Variants in SPPL3 observed in about 807,000 individuals in gnomAD.
SPPL3 encodes the protein signal peptide peptidase-like 3.
In SPPL3, 5 loss-of-function variants were observed where a neutral mutation model predicts 42.4. The ratio of observed to expected loss-of-function variants is 0.12; its 90% confidence interval spans 0.06 to 0.25. SPPL3 has a LOEUF of 0.25. Among genes scored for constraint, SPPL3 ranks in the 10% least tolerant of loss-of-function variants. SPPL3 has a pLI of 1.00. For missense variants in SPPL3, 235 were observed against 489.0 expected (o/e 0.48, Z 4.90); for synonymous variants, 195 against 181.8 (o/e 1.07, Z -0.58).
intron 1 of SPPL3, among the ~76,000 whole-genome samples, chr12:120,878,546 G>A (rs1213742938): frequency 6.6e-6 from 1 of 152,090 alleles, no homozygotes; most frequent in Non-Finnish European, 1.5e-5. Flanking sequence ...TCTCTGACAC[G>A]AGTTTCTGTT....
At chr12:120,791,418 C>A in intron 3 of SPPL3, 51 bp downstream of exon 3, 2 of 1,362,976 alleles carry the variant, frequency 1.5e-6, no homozygotes, top group Non-Finnish European at 2.0e-6. Context: ...TAGAAACAGC[C>A]AAATTAAGAA....
chr12:120,899,265 A>C (rs1327089554), intron 1 of SPPL3, among the ~76,000 whole-genome samples: 1 of 152,214 alleles, frequency 6.6e-6, no homozygotes, highest in Admixed American at 6.5e-5. Context: ...GGCATTCCTC[A>C]TTCTTGCAGC....
intron 1 of SPPL3, among the ~76,000 whole-genome samples, chr12:120,812,159 G>C (rs996349516): frequency 1.1e-4 from 17 of 148,550 alleles, no homozygotes; most frequent in Non-Finnish European, 4.5e-5. Flanking sequence ...TTTTGAGACA[G>C]AGTCTTGCTC....
At chr12:120,833,176 T>C (rs1414371276) in intron 1 of SPPL3, among the ~76,000 whole-genome samples, 9 of 152,020 alleles carry the variant, frequency 5.9e-5, no homozygotes, top group Admixed American at 5.9e-4. Flanking sequence ...AAATGTGAGA[T>C]CCATTAGGGA....
chr12:120,789,738 T>C (rs1394803611), intron 3 of SPPL3, among the ~76,000 whole-genome samples: 1 of 145,080 alleles, frequency 6.9e-6, no homozygotes. Flanking sequence ...GGCTGGAGAA[T>C]TGCCTGAACC....
intron 1 of SPPL3, among the ~76,000 whole-genome samples, chr12:120,876,278 C>T (rs1376879799): frequency 1.3e-5 from 2 of 151,912 alleles, no homozygotes; most frequent in Admixed American, 1.3e-4. Flanking sequence ...TTCTAAATAA[C>T]TCATGGGTCA....
chr12:120,874,776 T>C (rs1400041592), intron 1 of SPPL3, among the ~76,000 whole-genome samples: 1 of 152,088 alleles, frequency 6.6e-6, no homozygotes, highest in Non-Finnish European at 1.5e-5. Context: ...TGAGTGTGTG[T>C]GTGTGTGCTG....
In SPPL3 at chr12:120,846,877, G is replaced by A. The variant is rs566472870; in HGVS notation, c.24-35991C>T. On this transcript the variant is annotated intron_variant, in intron 1 of 10. Coordinates refer to ENST00000353487, the MANE Select transcript of SPPL3 (RefSeq NM_139015.5). The stretch of plus-strand genomic sequence containing the variant: ...GGGCAGGAAGAAAACACCCAACAGA[G>A]TTCATGTGGGTGGGAGTGTGGAGGT... 5.9e-5 allele frequency among the ~76,000 whole-genome samples: 9 copies of A among 152,300 alleles called. No homozygotes were observed. The South Asian group carries it at 1.9e-3, about 32-fold the overall frequency.
intron 1 of SPPL3, among the ~76,000 whole-genome samples, chr12:120,883,243 T>G (rs578055292): frequency 5.9e-5 from 9 of 151,968 alleles, no homozygotes; most frequent in Non-Finnish European, 1.2e-4. Context: ...AGGCAGAGCT[T>G]GCAGTGAGCC....
intron 1 of SPPL3, among the ~76,000 whole-genome samples, chr12:120,871,710 G>A (rs1872937877): frequency 6.6e-6 from 1 of 152,038 alleles, no homozygotes; most frequent in Admixed American, 6.6e-5. Flanking sequence ...CCGAGATTGT[G>A]CCACTGCACT....
chr12:120,839,591 G>A (rs1231880388), intron 1 of SPPL3, among the ~76,000 whole-genome samples: 1 of 151,972 alleles, frequency 6.6e-6, no homozygotes, highest in Non-Finnish European at 1.5e-5. Flanking sequence ...AATAACCAAA[G>A]GTAGGAAATA....
At chr12:120,901,553 T>C (rs1873981069) in intron 1 of SPPL3, among the ~76,000 whole-genome samples, 1 of 138,454 alleles carries the variant, frequency 7.2e-6, no homozygotes, top group South Asian at 2.3e-4. Context: ...ATGGCGCCAC[T>C]GCACTGCAGC....
At chr12:120,856,204 T>G (rs965456303) in intron 1 of SPPL3, among the ~76,000 whole-genome samples, 1 of 152,012 alleles carries the variant, frequency 6.6e-6, no homozygotes, top group African/African-American at 2.4e-5. Context: ...TAAATGCAGA[T>G]TCCAGTCCCC....
At position 120,767,497 on chromosome 12, in the gene SPPL3, C is replaced by T. The variant is rs2136965944; in HGVS notation, c.870G>A (p.Lys290=). 1 of 1,614,128 alleles carries T rather than the reference C, an allele frequency of 6.2e-7. No homozygotes were observed. The highest frequency in any genetic ancestry group is 8.5e-7 in the Non-Finnish European group (1 of 1,180,044). ...CFVLRYDNYK[K]QASGDSCGAP... Reference sequence around the variant, plus strand: ...CCCCACAGGAGTCCCCACTGGCTTGCTTTTTGTAGTTGTCATAGCGAAGGA... The same window carrying T: ...CCCCACAGGAGTCCCCACTGGCTTGTTTTTTGTAGTTGTCATAGCGAAGGA... The change falls in exon 9 of 11, where the codon AAG becomes AAA. Residue 290 remains lysine (K), a synonymous_variant. Coordinates refer to ENST00000353487, the MANE Select transcript of SPPL3 (RefSeq NM_139015.5).
intron 1 of SPPL3, among the ~76,000 whole-genome samples, chr12:120,897,650 A>G (rs1168951): frequency 1 from 151,971 of 152,200 alleles, 75,871 homozygotes; most frequent in Middle Eastern, 1. Flanking sequence ...GTGAACCCGG[A>G]AGGCGGAGGT....
At chr12:120,840,520 G>C (rs1377218575) in intron 1 of SPPL3, among the ~76,000 whole-genome samples, 3 of 151,992 alleles carry the variant, frequency 2.0e-5, no homozygotes, top group Admixed American at 2.0e-4. Flanking sequence ...CTTTGACGGG[G>C]ATAAAAATTA....
chr12:120,817,798 T>A (rs1437082424), intron 1 of SPPL3, among the ~76,000 whole-genome samples: 1 of 152,200 alleles, frequency 6.6e-6, no homozygotes, highest in South Asian at 2.1e-4. Flanking sequence ...TTTTCACTGC[T>A]GGTAACGACA....
chr12:120,809,488 C>T (rs1032497344), intron 2 of SPPL3, among the ~76,000 whole-genome samples: 1 of 152,196 alleles, frequency 6.6e-6, no homozygotes, highest in Non-Finnish European at 1.5e-5. Context: ...TATAACACTG[C>T]ATAGTTAAAA....
chr12:120,857,220 TTCTC>T (rs748751022), intron 1 of SPPL3, among the ~76,000 whole-genome samples: 4 of 152,194 alleles, frequency 2.6e-5, no homozygotes, highest in Middle Eastern at 3.2e-3. Flanking sequence ...TCCTGCCCAC[TTCTC>T]TCTCTCAGTT....
Sources: gnomAD v4.1 joint callset for allele counts (sites outside exome capture counted in the v4.1 genomes callset) on GRCh38, gnomAD v4.1.1 for gene constraint, MANE v1.5 for transcripts, NCBI Gene and HGNC (gene_info 2026-07-23, HGNC 2026-07-21) for gene names.